TEAD1: variants seen among roughly 807,000 people sequenced by gnomAD.
TEAD1 encodes TEA domain transcription factor 1, also known as transcriptional enhancer factor TEF-1.
A neutral mutation model predicts 54.9 loss-of-function variants in TEAD1; 9 were observed. The ratio of observed to expected loss-of-function variants is 0.16; its 90% CI spans 0.10 to 0.29. The LOEUF is 0.29. Ranked by LOEUF, TEAD1 falls within the 10% of genes least tolerant of loss-of-function variation. The probability of loss-of-function intolerance (pLI) is 1.00; values close to 1 mark genes in which losing one functional copy is unlikely to be tolerated. For missense variants in TEAD1, 387 were observed against 535.9 expected (o/e 0.72, Z 2.74); for synonymous variants, 200 against 187.8 (o/e 1.07, Z -0.53).
At chr11:12,824,399 CAG>C (rs1946610255) in intron 3 of TEAD1, among the ~76,000 whole-genome samples, 1 of 152,210 alleles carries the variant, frequency 6.6e-6, no homozygotes, top group Admixed American at 6.5e-5. Flanking sequence ...TCAGAGCTGG[CAG>C]TTTCCTCCAG....
At chr11:12,730,183 G>A (rs896462891) in intron 2 of TEAD1, among the ~76,000 whole-genome samples, 1 of 152,116 alleles carries the variant, frequency 6.6e-6, no homozygotes, top group Admixed American at 6.5e-5. Flanking sequence ...GCTGTTCAGG[G>A]TTATGCACGG....
intron 2 of TEAD1, among the ~76,000 whole-genome samples, chr11:12,711,916 T>A (rs1356764085): frequency 6.6e-6 from 1 of 152,136 alleles, no homozygotes; most frequent in Admixed American, 6.5e-5. Flanking sequence ...CTTCCTGATC[T>A]CATCTTTTAT....
chr11:12,701,892 A>G lies in TEAD1; in HGVS notation c.-55+26331A>G, dbSNP rs117410693. 5.3e-3 allele frequency among the ~76,000 whole-genome samples: 800 copies of G among 152,330 alleles called. 6 individuals carry two copies. The highest frequency in any genetic ancestry group is 9.1e-3 in the Non-Finnish European group (619 of 68,022). On this transcript the variant is annotated intron_variant, in intron 2 of 12. Coordinates refer to ENST00000527636, the MANE Select transcript of TEAD1 (RefSeq NM_021961.6). ...CTGGGCATAAAAAAGATGACTTTCT[A>G]TAAGAAATTCTATCCAAAGAGTGGC...
intron 3 of TEAD1, among the ~76,000 whole-genome samples, chr11:12,846,661 T>C (rs952041741): frequency 2.0e-4 from 30 of 152,236 alleles, no homozygotes; most frequent in Non-Finnish European, 2.9e-5. Context: ...AGTTCATTCT[T>C]ACCTATTCTG....
chr11:12,923,070 C>T (rs767700707), intron 10 of TEAD1: 1 of 151,760 alleles, frequency 6.6e-6, no homozygotes, highest in Non-Finnish European at 1.5e-5. Context: ...TAATGGCCTC[C>T]TAGTATATAT....
intron 2 of TEAD1, among the ~76,000 whole-genome samples, chr11:12,726,372 A>T (rs1944312047): frequency 6.6e-6 from 1 of 152,150 alleles, no homozygotes; most frequent in African/African-American, 2.4e-5. Context: ...GTGCTTGGAG[A>T]CCGCAGATAC....
chr11:12,795,270 C>T (rs1002993945), intron 3 of TEAD1, among the ~76,000 whole-genome samples: 6 of 152,182 alleles, frequency 3.9e-5, no homozygotes, highest in Non-Finnish European at 7.3e-5. Flanking sequence ...GTTGCATTAT[C>T]TTCTTGTAAG....
chr11:12,742,620 A>G (rs1196884793), intron 2 of TEAD1, among the ~76,000 whole-genome samples: 2 of 152,208 alleles, frequency 1.3e-5, no homozygotes, highest in African/African-American at 4.8e-5. Context: ...AAGGTGATGG[A>G]TATGTTAATT....
intron 3 of TEAD1, among the ~76,000 whole-genome samples, chr11:12,841,638 T>A (rs1436625592): frequency 6.6e-6 from 1 of 152,156 alleles, no homozygotes; most frequent in Non-Finnish European, 1.5e-5. Flanking sequence ...CCATCTTCCT[T>A]CAGTTTGCAC....
chr11:12,867,801 A>G (rs1239157855), intron 5 of TEAD1, among the ~76,000 whole-genome samples: 2 of 152,122 alleles, frequency 1.3e-5, no homozygotes, highest in African/African-American at 2.4e-5. Context: ...GGTCATCCCA[A>G]AAGACAACAA....
chr11:12,930,908 T>C (rs1330332873), intron 12 of TEAD1, among the ~76,000 whole-genome samples: 3 of 152,114 alleles, frequency 2.0e-5, no homozygotes, highest in African/African-American at 7.2e-5. Flanking sequence ...AGAAGAAATA[T>C]AAATTAGAAT....
At chr11:12,934,389 G>T (rs1282995556) in intron 12 of TEAD1, among the ~76,000 whole-genome samples, 3 of 152,100 alleles carry the variant, frequency 2.0e-5, no homozygotes, top group Non-Finnish European at 4.4e-5. Flanking sequence ...GGCCTGTTGT[G>T]GGGTGGGAGT....
At chr11:12,849,953 A>C (rs1174229856) in intron 3 of TEAD1, among the ~76,000 whole-genome samples, 1 of 152,250 alleles carries the variant, frequency 6.6e-6, no homozygotes, top group Non-Finnish European at 1.5e-5. Flanking sequence ...TTGAAAATTG[A>C]AGAAGATACA....
intron 2 of TEAD1, among the ~76,000 whole-genome samples, chr11:12,703,223 T>C (rs1013265610): frequency 1.3e-5 from 2 of 152,186 alleles, no homozygotes; most frequent in Non-Finnish European, 2.9e-5. Context: ...CTAAATGTGC[T>C]GCCCTACTCA....
At chr11:12,821,809 G>C (rs2134003924) in intron 3 of TEAD1, among the ~76,000 whole-genome samples, 1 of 152,040 alleles carries the variant, frequency 6.6e-6, no homozygotes, top group East Asian at 1.9e-4. Context: ...TATCAATAGA[G>C]CATTGATAAG....
chr11:12,895,217 A>G (rs1239549178), intron 9 of TEAD1, among the ~76,000 whole-genome samples: 1 of 151,798 alleles, frequency 6.6e-6, no homozygotes, highest in African/African-American at 2.4e-5. Flanking sequence ...CGGGTATCTC[A>G]GAAGCCCTTT....
intron 3 of TEAD1, among the ~76,000 whole-genome samples, chr11:12,855,838 C>T (rs1947365177): frequency 1.3e-5 from 2 of 151,344 alleles, no homozygotes; most frequent in Non-Finnish European, 2.9e-5. Flanking sequence ...GTCCCAGCTA[C>T]TTGGGAGGCT....
intron 3 of TEAD1, among the ~76,000 whole-genome samples, chr11:12,839,854 C>T (rs1191844428): frequency 6.6e-6 from 1 of 152,082 alleles, no homozygotes. Flanking sequence ...TGTGGTAAGA[C>T]TCATTAATCT....
rs1949173610 is a variant in TEAD1, at chr11:12,942,829, T to C, written c.*5607T>C. On this transcript the variant is annotated 3_prime_UTR_variant, in exon 13 of 13. Coordinates refer to ENST00000527636, the MANE Select transcript of TEAD1 (RefSeq NM_021961.6). ...TACGAGAAACTTCCAAAGAGCACCA[T>C]TCACAATTTGGCATTTTCAAAGAAT... The C allele has an allele frequency of 6.6e-6, 1 of 152,072 alleles. No individual in the cohort carries two copies. The highest frequency in any genetic ancestry group is 2.1e-4 in the South Asian group (1 of 4,794). 9.4% of individuals were successfully genotyped at this position (152,072 alleles called of 1,614,324 possible).
Sources: allele counts gnomAD v4.1 joint callset (sites outside exome capture counted in the v4.1 genomes callset), GRCh38; gene constraint gnomAD v4.1.1; transcripts MANE v1.5; gene names NCBI Gene and HGNC (gene_info 2026-07-23, HGNC 2026-07-21).